The following PUS10 variants were observed in gnomAD, a reference collection of about 807,000 sequenced individuals.
PUS10 encodes pseudouridine synthase 10.
A neutral mutation model predicts 75.0 loss-of-function variants in PUS10; 59 were observed. The ratio of observed to expected loss-of-function variants is 0.79; its 90% confidence interval spans 0.64 to 0.98. The LOEUF (loss-of-function observed/expected upper bound fraction) is 0.98, where lower values mean the gene tolerates loss of function less well. PUS10 is among the 50% of genes least tolerant of loss of function. PUS10 has a pLI of 0.00. For missense variants in PUS10, 650 were observed against 614.4 expected, an observed-to-expected ratio of 1.06 and a Z score of -0.61; for synonymous variants, 219 against 211.6, an observed-to-expected ratio of 1.03 and a Z score of -0.30.
intron 4 of PUS10, among the ~76,000 whole-genome samples, chr2:60,987,784 C>T (rs913234333): frequency 4.6e-5 from 7 of 152,012 alleles, no homozygotes; most frequent in African/African-American, 1.4e-4. Flanking sequence ...TTAGCTGGGC[C>T]TGCCTGTAAT....
chr2:60,995,385 G>A (rs945070771), intron 4 of PUS10, among the ~76,000 whole-genome samples: 1 of 152,080 alleles, frequency 6.6e-6, no homozygotes, highest in Admixed American at 6.6e-5. Context: ...ATAAATGATT[G>A]CTTTATACAT....
At chr2:61,006,066 C>T (rs1450847282) in intron 4 of PUS10, among the ~76,000 whole-genome samples, 1 of 151,634 alleles carries the variant, frequency 6.6e-6, no homozygotes, top group East Asian at 1.9e-4. Flanking sequence ...TTTCACTTAA[C>T]AAAGAAAACA....
intron 1 of PUS10, chr2:61,017,498 A>G: frequency 2.7e-6 from 1 of 372,376 alleles, no homozygotes; most frequent in East Asian, 4.3e-5. Flanking sequence ...TACCAGAAAT[A>G]TCGATGAGCC....
intron 10 of PUS10, among the ~76,000 whole-genome samples, chr2:60,961,213 G>A (rs147244776): frequency 2.0e-5 from 3 of 152,284 alleles, no homozygotes; most frequent in East Asian, 3.9e-4. Context: ...CATCTCTGAT[G>A]AGAACTATTA....
At chr2:60,945,964 G>T (rs761841728) in intron 16 of PUS10, among the ~76,000 whole-genome samples, 2 of 152,148 alleles carry the variant, frequency 1.3e-5, no homozygotes, top group African/African-American at 2.4e-5. Context: ...TCCAGATGAT[G>T]AAAAATCTAT....
intron 6 of PUS10, chr2:60,967,196 TTGCTTTGCATCAAGTCTGA>T (rs1305879612): frequency 1.5e-4 from 37 of 250,974 alleles, no homozygotes; most frequent in East Asian, 1.0e-3. Flanking sequence ...TATTTATATG[TTGCTTTGCATCAAGTCTGA>T]TGCTTTGCAT....
At chr2:61,015,507 G>T (rs1396774030) in intron 1 of PUS10, among the ~76,000 whole-genome samples, 1 of 152,016 alleles carries the variant, frequency 6.6e-6, no homozygotes, top group Non-Finnish European at 1.5e-5. Flanking sequence ...AGACCATCCT[G>T]GCTAACACGA....
At chr2:60,952,783 G>A (rs74317640) in intron 15 of PUS10, among the ~76,000 whole-genome samples, 1 of 152,232 alleles carries the variant, frequency 6.6e-6, no homozygotes, top group African/African-American at 2.4e-5. Flanking sequence ...TCTTCAGAGT[G>A]GGGGTCTTCC....
At chr2:60,992,271 C>G (rs1188426942) in intron 4 of PUS10, among the ~76,000 whole-genome samples, 1 of 152,104 alleles carries the variant, frequency 6.6e-6, no homozygotes, top group African/African-American at 2.4e-5. Flanking sequence ...CTGTCTTAGC[C>G]TCCCAAAGTG....
At chr2:60,956,398 C>T (rs1675653991) in intron 11 of PUS10, among the ~76,000 whole-genome samples, 1 of 152,180 alleles carries the variant, frequency 6.6e-6, no homozygotes, top group Non-Finnish European at 1.5e-5. Flanking sequence ...CAGCTGCCCA[C>T]CCCTGTCTCC....
chr2:60,984,239 T>C (rs1677583085), intron 4 of PUS10, among the ~76,000 whole-genome samples: 1 of 152,160 alleles, frequency 6.6e-6, no homozygotes, highest in African/African-American at 2.4e-5. Flanking sequence ...GAAAGATTAA[T>C]AGTCACTATG....
At chr2:60,983,739 TA>T (rs1157316564) in intron 4 of PUS10, among the ~76,000 whole-genome samples, 1 of 152,058 alleles carries the variant, frequency 6.6e-6, no homozygotes, top group Non-Finnish European at 1.5e-5. Context: ...TACTTAGTAT[TA>T]AAATATACAC....
intron 4 of PUS10, chr2:60,998,841 G>A (rs961174807): frequency 1.3e-5 from 2 of 152,192 alleles, no homozygotes; most frequent in African/African-American, 2.4e-5. Flanking sequence ...TGGATGGGTA[G>A]AAATGGTAGT....
At chr2:61,001,361 C>T (rs984320610) in intron 4 of PUS10, among the ~76,000 whole-genome samples, 11 of 151,942 alleles carry the variant, frequency 7.2e-5, no homozygotes, top group African/African-American at 2.7e-4. Context: ...ACTGCAGCCT[C>T]CCCCTCCCGG....
At chr2:60,971,865 C>CTTTTTTTTTTTTTTTTTTTT (rs756222357) in intron 4 of PUS10, among the ~76,000 whole-genome samples, 4 of 99,640 alleles carry the variant, frequency 4.0e-5, no homozygotes, top group African/African-American at 8.7e-5. Flanking sequence ...TCTTTCTTCT[C>CTTTTTTTTTTTTTTTTTTTT]TTTTTTTTTT....
At chr2:60,956,877 A>G (rs1357079721) in intron 11 of PUS10, among the ~76,000 whole-genome samples, 1 of 143,174 alleles carries the variant, frequency 7.0e-6, no homozygotes, top group African/African-American at 2.6e-5. Flanking sequence ...TGGGAGGCTG[A>G]GGTAGGAGAA....
chr2:60,964,538 T>A (rs2104362439), intron 8 of PUS10, among the ~76,000 whole-genome samples: 1 of 152,306 alleles, frequency 6.6e-6, no homozygotes, highest in Middle Eastern at 3.4e-3. Context: ...AACATTAAGA[T>A]GATAAAGAAG....
chr2:60,983,676 T>C (rs1435318786), intron 4 of PUS10, among the ~76,000 whole-genome samples: 3 of 146,258 alleles, frequency 2.1e-5, no homozygotes, highest in Admixed American at 6.8e-5. Flanking sequence ...AAATTGCATC[T>C]CAAAAAAAAA....
In PUS10 at chr2:60,954,166, C is replaced by T; in HGVS notation, c.1058-8G>A. The T allele has an allele frequency of 6.2e-7, 1 of 1,613,812 alleles. No homozygotes were observed. Among genetic ancestry groups the T allele is most frequent in the Middle Eastern group, 1.6e-4 (1 of 6,062 alleles). The stretch of plus-strand genomic sequence containing the variant: ...CAATTGCAAAGGGCCTTCCTGGCAG[C>T]ACACACCCCGTCATGAAACAGAAAC... On this transcript the variant is annotated splice_region_variant and splice_polypyrimidine_tract_variant and intron_variant, in intron 12 of 17. Coordinates refer to ENST00000316752, the MANE Select transcript of PUS10 (RefSeq NM_144709.4).
Sources: gnomAD v4.1 joint callset for allele counts (sites outside exome capture counted in the v4.1 genomes callset) on GRCh38, gnomAD v4.1.1 for gene constraint, MANE v1.5 for transcripts, NCBI Gene and HGNC (gene_info 2026-07-23, HGNC 2026-07-21) for gene names.